BTRC: variants seen among roughly 807,000 people sequenced by gnomAD.
The protein encoded by BTRC is F-box/WD repeat-containing protein 1A.
Under a neutral mutation model 85.5 loss-of-function variants are expected in BTRC, and 42 were observed. That is an observed-to-expected ratio of 0.49 (90% CI 0.38 to 0.64). The LOEUF (loss-of-function observed/expected upper bound fraction) is 0.64, where lower values mean the gene tolerates loss of function less well. Ranked by LOEUF, BTRC falls within the 30% of genes least tolerant of loss-of-function variation. The pLI is 0.00. For synonymous variants in BTRC, 255 were observed against 263.3 expected, an observed-to-expected ratio of 0.97 and a Z score of 0.30; for missense variants, 594 against 743.5, an observed-to-expected ratio of 0.80 and a Z score of 2.34.
chr10:101,407,922 C>G (rs889892746), intron 1 of BTRC, among the ~76,000 whole-genome samples: 21 of 151,886 alleles, frequency 1.4e-4, no homozygotes, highest in African/African-American at 5.1e-4. Flanking sequence ...CAGGGTTTTA[C>G]CATGTTGGCC....
intron 1 of BTRC, among the ~76,000 whole-genome samples, chr10:101,424,047 T>G (rs1210570443): frequency 6.6e-6 from 1 of 152,068 alleles, no homozygotes; most frequent in African/African-American, 2.4e-5. Flanking sequence ...CTGGCTAACA[T>G]GGAGAAACCC....
intron 12 of BTRC, 47 bp downstream of exon 12, chr10:101,536,700 T>C (rs1427773596): frequency 1.1e-5 from 15 of 1,400,572 alleles, no homozygotes; most frequent in Non-Finnish European, 1.5e-5. Flanking sequence ...TACGTCTTAA[T>C]CCTTCCTTAT....
intron 13 of BTRC, among the ~76,000 whole-genome samples, chr10:101,546,954 A>G (rs538265782): frequency 6.6e-6 from 1 of 152,236 alleles, no homozygotes; most frequent in Non-Finnish European, 1.5e-5. Context: ...AGTTATATCA[A>G]TTTTCTGTTA....
intron 2 of BTRC, among the ~76,000 whole-genome samples, chr10:101,460,438 G>A (rs948106288): frequency 5.3e-5 from 8 of 152,120 alleles, no homozygotes; most frequent in African/African-American, 1.9e-4. Context: ...AAAGAAGTTA[G>A]AACTCTGAAG....
intron 4 of BTRC, among the ~76,000 whole-genome samples, chr10:101,517,287 G>A (rs1338246698): frequency 1.3e-5 from 2 of 152,108 alleles, no homozygotes; most frequent in African/African-American, 4.8e-5. Flanking sequence ...TTTCAGCTGT[G>A]TATCTTTACT....
intron 2 of BTRC, among the ~76,000 whole-genome samples, chr10:101,450,733 C>G (rs1944937196): frequency 6.6e-6 from 1 of 152,054 alleles, no homozygotes; most frequent in African/African-American, 2.4e-5. Flanking sequence ...TGGCTGCCCC[C>G]CAGGACTCGT....
At chr10:101,482,682 GCCGCATCCGGCC>G (rs1945871669) in intron 4 of BTRC, among the ~76,000 whole-genome samples, 1 of 152,122 alleles carries the variant, frequency 6.6e-6, no homozygotes, top group African/African-American at 2.4e-5. Context: ...GTCGTGAGCT[GCCGCATCCGGCC>G]AACTGTTTCT....
chr10:101,409,303 TC>T (rs1267496780), intron 1 of BTRC, among the ~76,000 whole-genome samples: 1 of 152,266 alleles, frequency 6.6e-6, no homozygotes, highest in African/African-American at 2.4e-5. Context: ...TCTGGACATT[TC>T]ATATAAATGG....
At chr10:101,464,643 C>G (rs919965202) in intron 3 of BTRC, among the ~76,000 whole-genome samples, 4 of 150,540 alleles carry the variant, frequency 2.7e-5, no homozygotes, top group Non-Finnish European at 4.4e-5. Flanking sequence ...TTTCTCCTCC[C>G]TTCTTTGTAA....
intron 1 of BTRC, among the ~76,000 whole-genome samples, chr10:101,366,802 A>T (rs1590205133): frequency 2.5e-5 from 2 of 79,554 alleles, no homozygotes; most frequent in South Asian, 3.2e-4. Context: ...TTACATTTAT[A>T]TATATATTTA....
chr10:101,434,963 A>G (rs1437882350), intron 2 of BTRC, among the ~76,000 whole-genome samples: 1 of 152,030 alleles, frequency 6.6e-6, no homozygotes, highest in Non-Finnish European at 1.5e-5. Context: ...TGTCTTATGT[A>G]GCAAAAATGG....
chr10:101,428,667 A>G (rs1040956996), intron 1 of BTRC, among the ~76,000 whole-genome samples: 1 of 152,164 alleles, frequency 6.6e-6, no homozygotes, highest in African/African-American at 2.4e-5. Flanking sequence ...ATTCATAATC[A>G]TGGATAAATA....
intron 4 of BTRC, among the ~76,000 whole-genome samples, chr10:101,489,500 A>G (rs976607284): frequency 6.6e-6 from 1 of 152,146 alleles, no homozygotes; most frequent in African/African-American, 2.4e-5. Context: ...TAAGCTCTCC[A>G]TGAATAAATA....
At chr10:101,505,651 A>AT (rs1433563618) in intron 4 of BTRC, among the ~76,000 whole-genome samples, 17 of 151,708 alleles carry the variant, frequency 1.1e-4, no homozygotes, top group Non-Finnish European at 2.1e-4. Context: ...TAATAATAAA[A>AT]AAACAAATAT....
intron 4 of BTRC, among the ~76,000 whole-genome samples, chr10:101,497,225 C>A (rs1487303608): frequency 2.0e-5 from 3 of 152,138 alleles, no homozygotes; most frequent in Non-Finnish European, 4.4e-5. Flanking sequence ...TTATCAAAAT[C>A]TTGAACTCTG....
At chr10:101,404,028 A>ATTTTT (rs1176999196) in intron 1 of BTRC, among the ~76,000 whole-genome samples, 2,095 of 30,768 alleles carry the variant, frequency 0.068, 192 homozygotes, top group Non-Finnish European at 0.088. Flanking sequence ...ATATATATAT[A>ATTTTT]TATTTTTTTT....
At chr10:101,501,335 A>G (rs1946396427) in intron 4 of BTRC, among the ~76,000 whole-genome samples, 1 of 152,216 alleles carries the variant, frequency 6.6e-6, no homozygotes, top group South Asian at 2.1e-4. Flanking sequence ...AAAGTTTAAG[A>G]GCCAGACTGA....
intron 1 of BTRC, among the ~76,000 whole-genome samples, chr10:101,403,914 G>A (rs1943548833): frequency 7.0e-6 from 1 of 142,098 alleles, no homozygotes; most frequent in South Asian, 2.2e-4. Flanking sequence ...CTTTATATCT[G>A]TTGTTTCTTT....
chr10:101,483,147 A>C (rs1945885752), intron 4 of BTRC, among the ~76,000 whole-genome samples: 1 of 152,172 alleles, frequency 6.6e-6, no homozygotes, highest in Non-Finnish European at 1.5e-5. Context: ...CTTTGCCAGA[A>C]ATATCATAGT....
Sources: gnomAD v4.1 joint callset for allele counts (sites outside exome capture counted in the v4.1 genomes callset) on GRCh38, gnomAD v4.1.1 for gene constraint, MANE v1.5 for transcripts, NCBI Gene and HGNC (gene_info 2026-07-23, HGNC 2026-07-21) for gene names.